The following RAD54L2 variants were observed in gnomAD, a reference collection of about 807,000 sequenced individuals.
RAD54L2 encodes the protein helicase ARIP4.
In RAD54L2, 27 loss-of-function variants were observed where a neutral mutation model predicts 138.4. That is an observed-to-expected ratio of 0.20 (90% CI 0.14 to 0.27). The LOEUF is 0.27. Among genes scored for constraint, RAD54L2 ranks in the 10% least tolerant of loss-of-function variants. The pLI, the probability that RAD54L2 is intolerant of heterozygous loss-of-function variation, is 1.00. For missense variants in RAD54L2, 1,396 were observed against 1,890.2 expected (o/e 0.74, Z 4.85); for synonymous variants, 644 against 723.2 (o/e 0.89, Z 1.76).
intron 2 of RAD54L2, among the ~76,000 whole-genome samples, chr3:51,552,118 T>C (rs1292285557): frequency 6.6e-6 from 1 of 152,166 alleles, no homozygotes; most frequent in Non-Finnish European, 1.5e-5. Flanking sequence ...CTTATAGAAA[T>C]GTATGCATGT....
At chr3:51,571,021 A>G (rs866996588) in intron 2 of RAD54L2, among the ~76,000 whole-genome samples, 2 of 151,908 alleles carry the variant, frequency 1.3e-5, no homozygotes, top group South Asian at 4.2e-4. Flanking sequence ...GGGTTTCACC[A>G]TGTTGTCCAG....
At chr3:51,577,638 G>C (rs1699508808) in intron 2 of RAD54L2, among the ~76,000 whole-genome samples, 1 of 152,146 alleles carries the variant, frequency 6.6e-6, no homozygotes, top group Non-Finnish European at 1.5e-5. Flanking sequence ...TTGGTTTAAA[G>C]TCTGTTTTAT....
intron 21 of RAD54L2, among the ~76,000 whole-genome samples, chr3:51,657,892 C>CCCTACATTT (rs1701646221): frequency 6.7e-6 from 1 of 149,076 alleles, no homozygotes; most frequent in African/African-American, 2.5e-5. Flanking sequence ...AAATTAGGGT[C>CCCTACATTT]CCTACATTTC....
intron 2 of RAD54L2, among the ~76,000 whole-genome samples, chr3:51,574,673 A>G (rs1577397365): frequency 6.6e-6 from 1 of 152,106 alleles, no homozygotes; most frequent in South Asian, 2.1e-4. Flanking sequence ...CATATCCTTT[A>G]ACCACTTTTT....
At chr3:51,576,634 T>C (rs1239958023) in intron 2 of RAD54L2, among the ~76,000 whole-genome samples, 1 of 152,212 alleles carries the variant, frequency 6.6e-6, no homozygotes, top group Non-Finnish European at 1.5e-5. Context: ...TTTATTTGTG[T>C]AGAGGTGTTT....
chr3:51,632,484 G>A (rs1467634489), intron 7 of RAD54L2, among the ~76,000 whole-genome samples: 5 of 152,086 alleles, frequency 3.3e-5, no homozygotes, highest in South Asian at 4.1e-4. Context: ...TAGTAGAGCC[G>A]GGGTTTCACC....
At chr3:51,577,221 A>G (rs1193883596) in intron 2 of RAD54L2, among the ~76,000 whole-genome samples, 1 of 152,074 alleles carries the variant, frequency 6.6e-6, no homozygotes, top group Non-Finnish European at 1.5e-5. Flanking sequence ...AGTTTGTTAT[A>G]ATTTCTGTTC....
intron 21 of RAD54L2, among the ~76,000 whole-genome samples, chr3:51,658,181 C>G (rs1409348051): frequency 1.3e-5 from 2 of 151,866 alleles, no homozygotes; most frequent in Non-Finnish European, 2.9e-5. Context: ...ATCCGCCCAC[C>G]TGGGCCTCCC....
intron 3 of RAD54L2, among the ~76,000 whole-genome samples, chr3:51,597,783 G>A (rs1699995995): frequency 1.3e-5 from 2 of 151,870 alleles, no homozygotes; most frequent in South Asian, 4.2e-4. Context: ...AGCCGAGATC[G>A]TGCCATTGCA....
intron 3 of RAD54L2, among the ~76,000 whole-genome samples, chr3:51,621,417 A>C (rs1234362841): frequency 6.6e-6 from 1 of 152,218 alleles, no homozygotes; most frequent in Non-Finnish European, 1.5e-5. Context: ...ATTCAGCCTC[A>C]TGTCAGACAG....
At position 51,645,826 on chromosome 3, in the gene RAD54L2, T is replaced by A; in HGVS notation, c.2829+63T>A. 3 of 1,478,176 alleles carry A rather than the reference T, an allele frequency of 2.0e-6. No individual in the cohort carries two copies. Among genetic ancestry groups the A allele is most frequent in the Non-Finnish European group, 2.7e-6 (3 of 1,105,210 alleles). 91.6% of individuals were successfully genotyped at this position (1,478,176 alleles called of 1,614,324 possible). A position where few individuals can be genotyped will look rare whatever the true frequency, so the allele number is the denominator to read the frequency against. On this transcript the variant is annotated intron_variant, in intron 18 of 22. Transcript: ENST00000684192. The surrounding 1 kb of genome is among the most constrained non-coding windows in gnomAD (Gnocchi z 6.1). The stretch of plus-strand genomic sequence containing the variant: ...GTCTCTCTGTCAAAGGAGGCTTGTC[T>A]TGTAAGCTTTTTTCTTCATCTGAGG...
intron 3 of RAD54L2, among the ~76,000 whole-genome samples, chr3:51,603,977 G>T (rs1244786661): frequency 6.6e-6 from 1 of 152,162 alleles, no homozygotes; most frequent in African/African-American, 2.4e-5. Context: ...CCTGTATGGG[G>T]GATAAGGGAT....
Position 51,640,009 on chromosome 3 carries a change from G to GA in RAD54L2, c.2231+13dup, listed in dbSNP as rs1437768631. On this transcript the variant is annotated intron_variant, in intron 14 of 22. Coordinates refer to ENST00000684192, the MANE Select transcript of RAD54L2 (RefSeq NM_015106.4). ...AGATCCTTGTGTTTAGGTAGGATGA[G>GA]AAACTTCCATTTGAGGCTGTGTGTC... 1 of 1,561,478 alleles carries GA rather than the reference G, an allele frequency of 6.4e-7. No individual in the cohort carries two copies. The highest frequency in any genetic ancestry group is 1.1e-5 in the South Asian group (1 of 88,240).
chr3:51,657,916 C>CTTTTTTTTTTTTTTTTTTTTTTT (rs71084155), intron 21 of RAD54L2, among the ~76,000 whole-genome samples: 1 of 87,444 alleles, frequency 1.1e-5, no homozygotes, highest in East Asian at 4.6e-4. Context: ...ATCTTGCTGT[C>CTTTTTTTTTTTTTTTTTTTTTTT]TTTTTTTTTT....
chr3:51,611,413 C>G (rs762027871), intron 3 of RAD54L2: 4 of 152,106 alleles, frequency 2.6e-5, no homozygotes, highest in Non-Finnish European at 5.9e-5. Context: ...ATGTTGCAAA[C>G]AATCCAACTA....
chr3:51,620,520 G>C (rs1201797389), intron 3 of RAD54L2, among the ~76,000 whole-genome samples: 1 of 150,438 alleles, frequency 6.6e-6, no homozygotes, highest in African/African-American at 2.4e-5. Flanking sequence ...TTATACAATA[G>C]GAGAGAGAAG....
At chr3:51,608,168 A>T (rs1443422469) in intron 3 of RAD54L2, among the ~76,000 whole-genome samples, 2 of 137,564 alleles carry the variant, frequency 1.5e-5, no homozygotes, top group East Asian at 2.3e-4. Flanking sequence ...CGGGGCAGAG[A>T]CACTCCTCAG....
chr3:51,665,565 G>A lies in RAD54L2; in HGVS notation c.*2145G>A, dbSNP rs1412515205. On this transcript the variant is annotated 3_prime_UTR_variant, in exon 23 of 23. Coordinates refer to ENST00000684192, the MANE Select transcript of RAD54L2 (RefSeq NM_015106.4). ...ATGGAAGCCTTAGATCTACAATTTA[G>A]CTATGCAAATTATTTTAATAATTTA... The A allele has an allele frequency of 6.6e-6, 1 of 152,196 alleles. No homozygotes were observed. The highest frequency in any genetic ancestry group is 1.5e-5 in the Non-Finnish European group (1 of 68,034). 9.4% of individuals were successfully genotyped at this position (152,196 alleles called of 1,614,324 possible). A position where few individuals can be genotyped will look rare whatever the true frequency, so the allele number is the denominator to read the frequency against.
In RAD54L2 at chr3:51,645,762, A is replaced by G; in HGVS notation, c.2828A>G (p.Lys943Arg). 6.2e-7 allele frequency: 1 copy of G among 1,606,938 alleles called. No homozygotes were observed. The highest frequency in any genetic ancestry group is 1.1e-5 in the South Asian group (1 of 89,562). ...CTGAAGTACCCTCACCTCATCACCA[A>G]GGTAAGAACTTGGTATGCATGCAAT... ...ACLKYPHLIT[K>R]EPFEHESLLL... The change falls in exon 18 of 23, where the codon AAG becomes AGG. Residue 943 changes from lysine to arginine, a missense_variant and splice_region_variant. Around this residue, in one of 7 missense-constraint regions of RAD54L2, gnomAD observed 634 missense variants for 711.2 expected, o/e 0.89. Coordinates refer to ENST00000684192, the MANE Select transcript of RAD54L2 (RefSeq NM_015106.4). The surrounding 1 kb of genome is among the most constrained non-coding windows in gnomAD (Gnocchi z 6.1).
Sources: gnomAD v4.1 joint callset for allele counts (sites outside exome capture counted in the v4.1 genomes callset) on GRCh38, gnomAD v4.1.1 for gene constraint, gnomAD v4.1.1 regional missense constraint, Gnocchi (gnomAD v3.1) non-coding constraint, MANE v1.5 for transcripts, NCBI Gene and HGNC (gene_info 2026-07-23, HGNC 2026-07-21) for gene names.